Variants in RMDN2 observed in about 807,000 individuals in gnomAD.
RMDN2 encodes regulator of microtubule dynamics 2.
RMDN2 carries 61 observed loss-of-function variants against 52.8 expected under a neutral mutation model. The ratio of observed to expected loss-of-function variants is 1.16; its 90% CI spans 0.94 to 1.43. RMDN2 has a LOEUF of 1.43. Ranked by LOEUF, RMDN2 falls within the 40% of genes most tolerant of loss-of-function variation. The pLI is 0.00. For synonymous variants in RMDN2, 180 were observed against 153.1 expected, an observed-to-expected ratio of 1.18 and a Z score of -1.30; for missense variants, 592 against 475.3, an observed-to-expected ratio of 1.25 and a Z score of -2.28.
At chr2:38,011,545 A>C (rs1222732045) in intron 10 of RMDN2, among the ~76,000 whole-genome samples, 1 of 152,196 alleles carries the variant, frequency 6.6e-6, no homozygotes, top group Non-Finnish European at 1.5e-5. Flanking sequence ...TGTGATCTGA[A>C]CTATAAACAA....
intron 5 of RMDN2, among the ~76,000 whole-genome samples, chr2:37,987,616 A>G (rs1352954509): frequency 2.0e-5 from 3 of 152,246 alleles, no homozygotes; most frequent in African/African-American, 7.2e-5. Flanking sequence ...AACAGTATAC[A>G]CATGTCATTA....
intron 2 of RMDN2, chr2:37,951,172 T>G: frequency 1.4e-6 from 2 of 1,463,838 alleles, no homozygotes; most frequent in South Asian, 2.9e-5. Flanking sequence ...TCAGGAGGCT[T>G]GGCAGGTCTC....
chr2:38,022,518 G>A (rs1679468473), downstream of RMDN2, among the ~76,000 whole-genome samples: 1 of 152,196 alleles, frequency 6.6e-6, no homozygotes, highest in African/African-American at 2.4e-5. Context: ...GAGACTTCGT[G>A]TACAACTTTG....
At chr2:37,932,918 C>T (rs1260219325) in intron 2 of RMDN2, among the ~76,000 whole-genome samples, 3 of 148,920 alleles carry the variant, frequency 2.0e-5, no homozygotes, top group African/African-American at 4.9e-5. Flanking sequence ...GGGGGGCTGA[C>T]CCCCCCACCT....
At chr2:37,943,134 A>G (rs1300776457) in intron 2 of RMDN2, among the ~76,000 whole-genome samples, 3 of 152,212 alleles carry the variant, frequency 2.0e-5, no homozygotes, top group South Asian at 2.1e-4. Flanking sequence ...TGGGCATCCC[A>G]CTAGTATGTT....
chr2:38,062,574 G>A (rs909481876), intron 10 of RMDN2, among the ~76,000 whole-genome samples: 2 of 151,920 alleles, frequency 1.3e-5, no homozygotes, highest in Admixed American at 6.6e-5. Context: ...CATTTCTCTA[G>A]GATAAATACC....
chr2:37,952,617 AATC>A, intron 2 of RMDN2: 1 of 237,240 alleles, frequency 4.2e-6, no homozygotes. Flanking sequence ...ATTCTTACAT[AATC>A]ATTAGAGCTA....
chr2:38,031,226 G>C (rs540202918), intron 10 of RMDN2, among the ~76,000 whole-genome samples: 1 of 149,636 alleles, frequency 6.7e-6, no homozygotes, highest in East Asian at 2.0e-4. Flanking sequence ...TTCTCCACAA[G>C]AGAGTTGCTC....
At chr2:37,948,068 C>T (rs971561803) in intron 2 of RMDN2, among the ~76,000 whole-genome samples, 25 of 152,242 alleles carry the variant, frequency 1.6e-4, no homozygotes, top group Middle Eastern at 3.4e-3. Context: ...CGTCATGACC[C>T]GTATGTTCTG....
intron 4 of RMDN2, among the ~76,000 whole-genome samples, chr2:37,978,543 A>C (rs1211339747): frequency 6.6e-6 from 1 of 152,040 alleles, no homozygotes; most frequent in Admixed American, 6.5e-5. Context: ...AAGAGTACAG[A>C]GGCTGGATGT....
rs980522614 is a variant in RMDN2, at chr2:37,958,415, T to C, written c.453-15625T>C. Among the ~76,000 whole-genome samples, 4 of 151,330 alleles carry C rather than the reference T, an allele frequency of 2.6e-5. No homozygotes were observed. The East Asian group carries it at 7.7e-4, about 29-fold the overall frequency. ...TTATTCTATTTGTAGCAATTGTGAATGGGAGTTCACTCATGATTTAGCTCT... is the reference window on the plus strand; with the variant it reads ...TTATTCTATTTGTAGCAATTGTGAACGGGAGTTCACTCATGATTTAGCTCT... On this transcript the variant is annotated intron_variant, in intron 2 of 10. Coordinates refer to ENST00000354545, the MANE Select transcript of RMDN2 (RefSeq NM_001170791.3).
chr2:37,953,960 A>G (rs1044488447), intron 2 of RMDN2, among the ~76,000 whole-genome samples: 28 of 152,010 alleles, frequency 1.8e-4, no homozygotes, highest in African/African-American at 5.3e-4. Context: ...GACATTGAAC[A>G]TCTTTTCGTG....
At chr2:37,921,056 G>T (rs1245243927), upstream of RMDN2, among the ~76,000 whole-genome samples, 2 of 152,102 alleles carry the variant, frequency 1.3e-5, no homozygotes, top group Admixed American at 6.5e-5. Context: ...TCTTAATTAG[G>T]TATGTATACT....
intron 10 of RMDN2, among the ~76,000 whole-genome samples, chr2:38,011,198 G>A (rs1174110461): frequency 3.3e-5 from 5 of 152,204 alleles, no homozygotes; most frequent in Non-Finnish European, 1.5e-5. Context: ...CCATGACAAA[G>A]ATGAAAAATA....
chr2:38,037,266 C>T (rs868107009), intron 10 of RMDN2, among the ~76,000 whole-genome samples: 4 of 152,158 alleles, frequency 2.6e-5, no homozygotes, highest in Admixed American at 1.3e-4. Flanking sequence ...AATATGGAAA[C>T]GATTTCTCAG....
chr2:38,063,545 G>C (rs1309520733), intron 10 of RMDN2, among the ~76,000 whole-genome samples: 2 of 152,086 alleles, frequency 1.3e-5, no homozygotes, highest in Non-Finnish European at 2.9e-5. Flanking sequence ...AGCCAAAATT[G>C]ACAAATGGGA....
intron 5 of RMDN2, among the ~76,000 whole-genome samples, chr2:37,983,119 T>C (rs145876213): frequency 6.8e-4 from 103 of 152,248 alleles, no homozygotes; most frequent in Admixed American, 1.1e-3. Context: ...TTGCTCTTCC[T>C]TTCCCATCCT....
chr2:37,983,955 C>T (rs190783501), intron 5 of RMDN2, among the ~76,000 whole-genome samples: 1 of 152,144 alleles, frequency 6.6e-6, no homozygotes, highest in Admixed American at 6.6e-5. Flanking sequence ...AGAGTAGTTG[C>T]AAAAGACTGG....
rs1398851129 is a variant in RMDN2, at chr2:38,017,618, A to T, written c.*379A>T. 8.2e-7 allele frequency: 1 copy of T among 1,213,706 alleles called. No homozygotes were observed. Among genetic ancestry groups the T allele is most frequent in the East Asian group, 6.1e-5 (1 of 16,498 alleles). The allele number at this position is 1,213,706 out of a possible 1,614,324, so 75.2% of individuals were successfully genotyped here. On this transcript the variant is annotated 3_prime_UTR_variant, in exon 11 of 11. Coordinates refer to ENST00000354545, the MANE Select transcript of RMDN2 (RefSeq NM_001170791.3). ...ATAATTTCATTAATGTGGATGAAAA[A>T]TGGAAAACTCAGCAAAGGACATGAA...
Sources: allele counts gnomAD v4.1 joint callset (sites outside exome capture counted in the v4.1 genomes callset), GRCh38; gene constraint gnomAD v4.1.1; transcripts MANE v1.5; gene names NCBI Gene and HGNC (gene_info 2026-07-23, HGNC 2026-07-21).